The following CTNND2 variants were observed in gnomAD, a reference collection of about 807,000 sequenced individuals.
CTNND2 encodes the protein catenin delta 2.
A neutral mutation model predicts 144.4 loss-of-function variants in CTNND2; 22 were observed. That is an observed-to-expected ratio of 0.15 (90% CI 0.11 to 0.22). The LOEUF (loss-of-function observed/expected upper bound fraction) is 0.22, where lower values mean the gene tolerates loss of function less well. CTNND2 is among the 10% of genes least tolerant of loss of function. The pLI, the probability that CTNND2 is intolerant of heterozygous loss-of-function variation, is 1.00. For missense variants in CTNND2, 1,353 were observed against 1,618.8 expected (o/e 0.84, Z 2.82); for synonymous variants, 751 against 695.6 (o/e 1.08, Z -1.25).
chr5:11,262,958 A>T (rs942150735), intron 9 of CTNND2, among the ~76,000 whole-genome samples: 1 of 152,066 alleles, frequency 6.6e-6, no homozygotes, highest in Non-Finnish European at 1.5e-5. Context: ...ATTTATTTAC[A>T]TACAGCCTGA....
At chr5:11,695,371 C>T (rs1262190751) in intron 2 of CTNND2, among the ~76,000 whole-genome samples, 1 of 152,174 alleles carries the variant, frequency 6.6e-6, no homozygotes, top group Non-Finnish European at 1.5e-5. Flanking sequence ...ATCTTTGTGT[C>T]TTGAGAGCTG....
intron 3 of CTNND2, among the ~76,000 whole-genome samples, chr5:11,510,739 T>G (rs1056197615): frequency 1.3e-5 from 2 of 152,182 alleles, no homozygotes; most frequent in Non-Finnish European, 2.9e-5. Flanking sequence ...AAGACCAGCC[T>G]GGCCAACATG....
At chr5:11,138,835 T>C (rs1191987841) in intron 12 of CTNND2, among the ~76,000 whole-genome samples, 1 of 152,162 alleles carries the variant, frequency 6.6e-6, no homozygotes, top group Non-Finnish European at 1.5e-5. Flanking sequence ...GGGGAGTGAA[T>C]GAAGTGGTAC....
chr5:11,050,920 A>G (rs1745765101), intron 16 of CTNND2, among the ~76,000 whole-genome samples: 2 of 152,152 alleles, frequency 1.3e-5, no homozygotes, highest in African/African-American at 4.8e-5. Flanking sequence ...TCAGCTTCCA[A>G]TTAGGGCACA....
intron 2 of CTNND2, among the ~76,000 whole-genome samples, chr5:11,632,549 C>G (rs778945441): frequency 5.3e-5 from 8 of 152,038 alleles, no homozygotes; most frequent in Non-Finnish European, 8.8e-5. Flanking sequence ...GTGCAGCTTT[C>G]AACCAAAAAA....
chr5:11,825,101 A>C (rs897711394), intron 1 of CTNND2, among the ~76,000 whole-genome samples: 2 of 152,180 alleles, frequency 1.3e-5, no homozygotes, highest in African/African-American at 2.4e-5. Flanking sequence ...CCACAAACTC[A>C]AAAAGAAAAA....
At chr5:11,648,479 T>A (rs1330123308) in intron 2 of CTNND2, among the ~76,000 whole-genome samples, 1 of 152,212 alleles carries the variant, frequency 6.6e-6, no homozygotes. Flanking sequence ...CAGACCCACT[T>A]GGGTTCAGCT....
At chr5:11,333,997 T>G (rs571561352) in intron 9 of CTNND2, among the ~76,000 whole-genome samples, 1 of 152,330 alleles carries the variant, frequency 6.6e-6, no homozygotes, top group South Asian at 2.1e-4. Flanking sequence ...AATTCTATGC[T>G]GGATGCTAGG....
intron 17 of CTNND2, among the ~76,000 whole-genome samples, chr5:11,018,263 ATT>A (rs962675630): frequency 6.6e-6 from 1 of 152,128 alleles, no homozygotes; most frequent in African/African-American, 2.4e-5. Context: ...ATCAAGAAAT[ATT>A]GTGTGTTCCG....
chr5:11,008,183 ACTG>A (rs1740688255), intron 18 of CTNND2, among the ~76,000 whole-genome samples: 1 of 152,170 alleles, frequency 6.6e-6, no homozygotes, highest in South Asian at 2.1e-4. Context: ...ACTGAATAAT[ACTG>A]CCTCCCCCAT....
intron 16 of CTNND2, among the ~76,000 whole-genome samples, chr5:11,066,763 C>T (rs1454884628): frequency 2.6e-5 from 4 of 152,126 alleles, no homozygotes; most frequent in Non-Finnish European, 5.9e-5. Context: ...CAATTGCAAT[C>T]GTGTTCTGAT....
intron 16 of CTNND2, among the ~76,000 whole-genome samples, chr5:11,034,167 AT>A (rs1482765474): frequency 6.6e-6 from 1 of 152,202 alleles, no homozygotes; most frequent in African/African-American, 2.4e-5. Flanking sequence ...TGGTTTTATC[AT>A]TTCATAAATC....
At chr5:11,395,264 A>T (rs1354103917) in intron 6 of CTNND2, among the ~76,000 whole-genome samples, 2 of 152,220 alleles carry the variant, frequency 1.3e-5, no homozygotes, top group Non-Finnish European at 2.9e-5. Flanking sequence ...TTCAATAAGC[A>T]TCCCTTTCAT....
chr5:11,681,965 C>CTGACACA (rs78015659), intron 2 of CTNND2, among the ~76,000 whole-genome samples: 3,421 of 152,212 alleles, frequency 0.022, 43 homozygotes, highest in East Asian at 0.057. Context: ...GACTGGCCTT[C>CTGACACA]TGACACATGA....
At chr5:11,817,833 C>T (rs921772193) in intron 1 of CTNND2, among the ~76,000 whole-genome samples, 4 of 151,884 alleles carry the variant, frequency 2.6e-5, no homozygotes, top group South Asian at 4.1e-4. Flanking sequence ...TTAAGGAAAA[C>T]ACGATTATAA....
At chr5:11,633,699 C>G (rs1781527279) in intron 2 of CTNND2, among the ~76,000 whole-genome samples, 1 of 151,252 alleles carries the variant, frequency 6.6e-6, no homozygotes, top group Non-Finnish European at 1.5e-5. Flanking sequence ...TTTCTTGAAC[C>G]TGAGAGGCAG....
chr5:11,191,736 T>C (rs1176451345), intron 11 of CTNND2, among the ~76,000 whole-genome samples: 2 of 152,186 alleles, frequency 1.3e-5, no homozygotes, highest in African/African-American at 4.8e-5. Flanking sequence ...TCCACTTCCC[T>C]AGGTCCTGGC....
At chr5:11,126,939 C>A (rs79885148) in intron 12 of CTNND2, among the ~76,000 whole-genome samples, 2 of 152,172 alleles carry the variant, frequency 1.3e-5, no homozygotes, top group African/African-American at 2.4e-5. Context: ...ATTAAAAATG[C>A]GTACTTTTAG....
chr5:11,642,687 A>T (rs1337116463), intron 2 of CTNND2, among the ~76,000 whole-genome samples: 2 of 152,254 alleles, frequency 1.3e-5, no homozygotes, highest in Admixed American at 6.5e-5. Context: ...TCCTGGGCAC[A>T]GGCAATAAGG....
Sources: allele counts gnomAD v4.1 joint callset (sites outside exome capture counted in the v4.1 genomes callset), GRCh38; gene constraint gnomAD v4.1.1; transcripts MANE v1.5; gene names NCBI Gene and HGNC (gene_info 2026-07-23, HGNC 2026-07-21).